The following ZNF385D variants were observed in gnomAD, a reference collection of about 807,000 sequenced individuals.
ZNF385D encodes the protein zinc finger protein 659.
A neutral mutation model predicts 35.8 loss-of-function variants in ZNF385D; 15 were observed. The ratio of observed to expected loss-of-function variants is 0.42; its 90% confidence interval spans 0.28 to 0.64. The LOEUF (loss-of-function observed/expected upper bound fraction) is 0.64, where lower values mean the gene tolerates loss of function less well. ZNF385D is among the 30% of genes least tolerant of loss of function. The pLI is 0.23. For synonymous variants in ZNF385D, 212 were observed against 186.8 expected, an observed-to-expected ratio of 1.13 and a Z score of -1.10; for missense variants, 474 against 494.6, an observed-to-expected ratio of 0.96 and a Z score of 0.39.
At chr3:21,729,570 G>A (rs1465322608) in intron 1 of ZNF385D, among the ~76,000 whole-genome samples, 1 of 152,068 alleles carries the variant, frequency 6.6e-6, no homozygotes, top group Non-Finnish European at 1.5e-5. Context: ...ATAAGGTTTG[G>A]GCTCACCCAG....
intron 2 of ZNF385D, among the ~76,000 whole-genome samples, chr3:21,569,632 T>C (rs1295369881): frequency 1.3e-5 from 2 of 151,666 alleles, no homozygotes; most frequent in African/African-American, 4.9e-5. Context: ...TTTTGCTCGT[T>C]AGTTGATGCA....
intron 3 of ZNF385D, among the ~76,000 whole-genome samples, chr3:22,147,633 A>G (rs2125713857): frequency 6.6e-6 from 1 of 152,316 alleles, no homozygotes; most frequent in African/African-American, 2.4e-5. Context: ...ATGTATTAAT[A>G]CAACACCACT....
chr3:22,140,552 A>G (rs1284087688), intron 3 of ZNF385D, among the ~76,000 whole-genome samples: 1 of 152,164 alleles, frequency 6.6e-6, no homozygotes, highest in Non-Finnish European at 1.5e-5. Flanking sequence ...AAAAGCTAGT[A>G]CAATCCAAAT....
chr3:21,818,514 T>G (rs957470167), intron 3 of ZNF385D, among the ~76,000 whole-genome samples: 1 of 152,198 alleles, frequency 6.6e-6, no homozygotes, highest in African/African-American at 2.4e-5. Context: ...AGTGTGTTAA[T>G]TTTTAAATAA....
At chr3:22,034,837 C>G (rs575492321) in intron 3 of ZNF385D, among the ~76,000 whole-genome samples, 2 of 152,044 alleles carry the variant, frequency 1.3e-5, no homozygotes, top group South Asian at 4.2e-4. Context: ...CCTTGATATT[C>G]TAGGTGAAAG....
At chr3:22,167,394 A>G (rs1404676196) in intron 3 of ZNF385D, among the ~76,000 whole-genome samples, 1 of 152,182 alleles carries the variant, frequency 6.6e-6, no homozygotes, top group Admixed American at 6.5e-5. Context: ...AAACTACCCA[A>G]CTGTGGGGGT....
chr3:21,811,362 G>A (rs1421676858), intron 3 of ZNF385D, among the ~76,000 whole-genome samples: 1 of 152,020 alleles, frequency 6.6e-6, no homozygotes, highest in African/African-American at 2.4e-5. Flanking sequence ...ATATTCAAGA[G>A]ACCAGAATAT....
At chr3:21,675,934 C>G (rs899516638) in intron 1 of ZNF385D, among the ~76,000 whole-genome samples, 1 of 152,104 alleles carries the variant, frequency 6.6e-6, no homozygotes, top group African/African-American at 2.4e-5. Context: ...ACTAATTCTA[C>G]TTAATGATGA....
chr3:21,746,752 GA>G (rs1308505380), intron 1 of ZNF385D, among the ~76,000 whole-genome samples: 2 of 152,152 alleles, frequency 1.3e-5, no homozygotes, highest in African/African-American at 4.8e-5. Context: ...AAACTAATTA[GA>G]AGGAGTTAAA....
At chr3:22,072,539 T>C (rs984025894) in intron 3 of ZNF385D, among the ~76,000 whole-genome samples, 4 of 151,948 alleles carry the variant, frequency 2.6e-5, no homozygotes, top group Admixed American at 1.3e-4. Context: ...TCTATGGAGA[T>C]TGGTTATAGA....
At chr3:22,259,126 A>G (rs915520064) in intron 2 of ZNF385D, among the ~76,000 whole-genome samples, 1 of 151,738 alleles carries the variant, frequency 6.6e-6, no homozygotes, top group African/African-American at 2.4e-5. Flanking sequence ...CTCTTGCACT[A>G]CTCTGTAACA....
chr3:21,867,184 C>A (rs752447997), intron 3 of ZNF385D, among the ~76,000 whole-genome samples: 1 of 152,110 alleles, frequency 6.6e-6, no homozygotes, highest in Non-Finnish European at 1.5e-5. Flanking sequence ...GAAGAGAGTG[C>A]ACCCACTCCC....
intron 3 of ZNF385D, among the ~76,000 whole-genome samples, chr3:21,823,168 G>T (rs1211279867): frequency 6.6e-6 from 1 of 151,944 alleles, no homozygotes; most frequent in Non-Finnish European, 1.5e-5. Context: ...TTAATGATAT[G>T]CTCCATAAAA....
intron 3 of ZNF385D, among the ~76,000 whole-genome samples, chr3:22,103,323 G>C (rs149354763): frequency 1.3e-5 from 2 of 151,726 alleles, no homozygotes; most frequent in African/African-American, 4.8e-5. Flanking sequence ...GATTTTGCCT[G>C]AAACACAGTA....
chr3:22,204,288 G>T (rs1697002263), intron 2 of ZNF385D, among the ~76,000 whole-genome samples: 1 of 152,168 alleles, frequency 6.6e-6, no homozygotes, highest in Non-Finnish European at 1.5e-5. Flanking sequence ...GCTTTACAGG[G>T]CCTGGGGTGC....
chr3:22,170,271 G>T (rs1021583213), intron 2 of ZNF385D, among the ~76,000 whole-genome samples: 4 of 152,194 alleles, frequency 2.6e-5, no homozygotes, highest in Non-Finnish European at 4.4e-5. Flanking sequence ...CACAAAAGTG[G>T]TCCTTGCAAT....
At chr3:21,767,595 G>C (rs916113057) in intron 3 of ZNF385D, among the ~76,000 whole-genome samples, 7 of 151,834 alleles carry the variant, frequency 4.6e-5, no homozygotes, top group Non-Finnish European at 7.4e-5. Context: ...TTCACAGTAG[G>C]TGCCCAATAT....
intron 2 of ZNF385D, among the ~76,000 whole-genome samples, chr3:22,265,030 A>T (rs555285403): frequency 6.6e-6 from 1 of 151,842 alleles, no homozygotes; most frequent in Non-Finnish European, 1.5e-5. Context: ...TTCATGCAAC[A>T]TATTATTGAA....
At chr3:21,772,438 TC>T (rs549814061) in intron 3 of ZNF385D, among the ~76,000 whole-genome samples, 4 of 151,880 alleles carry the variant, frequency 2.6e-5, no homozygotes, top group Non-Finnish European at 5.9e-5. Flanking sequence ...TAAATATTTT[TC>T]CAAAGATAAT....
Sources: allele counts gnomAD v4.1 joint callset (sites outside exome capture counted in the v4.1 genomes callset), GRCh38; gene constraint gnomAD v4.1.1; transcripts MANE v1.5; gene names NCBI Gene and HGNC (gene_info 2026-07-23, HGNC 2026-07-21).